Variants in HEATR5A observed in about 807,000 individuals in gnomAD.
HEATR5A encodes the protein HEAT repeat-containing protein 5A.
Under a neutral mutation model 218.8 loss-of-function variants are expected in HEATR5A, and 178 were observed. The ratio of observed to expected loss-of-function variants is 0.81; its 90% CI spans 0.72 to 0.92. The LOEUF (loss-of-function observed/expected upper bound fraction) is 0.92. HEATR5A is among the 40% of genes least tolerant of loss of function. The pLI is 0.00. For synonymous variants in HEATR5A, 864 were observed against 871.6 expected (o/e 0.99, Z 0.15); for missense variants, 2,420 against 2,418.9 (o/e 1.00, Z -0.01).
rs1305391651 is a variant in HEATR5A at position 31,387,150 on chromosome 14, G to A, written c.1159C>T (p.Gln387Ter). 3 of 1,613,862 alleles carry A rather than the reference G, an allele frequency of 1.9e-6. No homozygotes were observed. The highest frequency in any genetic ancestry group is 2.5e-6 in the Non-Finnish European group (3 of 1,179,874). ...AQLAAVKDIC[Q>*]AIWKLKKVMD... is the part of the protein sequence containing the mutation. ...ACTTTCTTTAGCTTCCAGATGGCCTGGCAAATATCCTTTACAGCAGCAAGC... is the reference window on the plus strand; with the variant it reads ...ACTTTCTTTAGCTTCCAGATGGCCTAGCAAATATCCTTTACAGCAGCAAGC... The change falls in exon 8 of 36, where the codon CAG becomes TAG. Residue 387 changes from glutamine to a stop codon, truncating the protein, a stop_gained. Coordinates refer to ENST00000543095, the MANE Select transcript of HEATR5A (RefSeq NM_015473.4). LOFTEE classifies it high-confidence loss of function.
chr14:31,412,674 T>G (rs1393665643), intron 1 of HEATR5A, among the ~76,000 whole-genome samples: 1 of 152,094 alleles, frequency 6.6e-6, no homozygotes, highest in Non-Finnish European at 1.5e-5. Flanking sequence ...GCGGATCACC[T>G]GAGGTCAGGA....
At chr14:31,300,506 C>T (rs1899335709) in intron 33 of HEATR5A, among the ~76,000 whole-genome samples, 1 of 152,022 alleles carries the variant, frequency 6.6e-6, no homozygotes, top group South Asian at 2.1e-4. Flanking sequence ...CGAGAGATCC[C>T]CTTCAAGGGA....
rs553862462 is a variant in HEATR5A at position 31,400,903 on chromosome 14, G to A, written c.127-391C>T. Among the ~76,000 whole-genome samples, 81 of 150,888 alleles carry A rather than the reference G, an allele frequency of 5.4e-4. 1 individual carries two copies. Among genetic ancestry groups the A allele is most frequent in the African/African-American group, 1.9e-3 (80 of 41,052 alleles). ...CGCCCAGGCTGGAGTGCAGTGGCCC[G>A]ATCTCCGGTCACTGCAAGCTCCGCC... On this transcript the variant is annotated intron_variant, in intron 2 of 35. Transcript: ENST00000543095.
chr14:31,348,074 G>C (rs1033228519), intron 18 of HEATR5A, among the ~76,000 whole-genome samples, 167 bp from the exon 19 acceptor site: 7 of 152,112 alleles, frequency 4.6e-5, no homozygotes, highest in African/African-American at 1.7e-4. Context: ...TAACCGAAAG[G>C]CATCTTGCAA....
At position 31,339,013 on chromosome 14, in the gene HEATR5A, G is replaced by A. The variant is rs545658008; in HGVS notation, c.3229-1399C>T. On this transcript the variant is annotated intron_variant, in intron 21 of 35. Coordinates refer to ENST00000543095, the MANE Select transcript of HEATR5A (RefSeq NM_015473.4). The stretch of plus-strand genomic sequence containing the variant: ...CAGGTGTCTGTAATCCCTGCTACTC[G>A]GGAGGCTGAGGCAGGAGAATTGCTT... Among the ~76,000 whole-genome samples the A allele has an allele frequency of 1.6e-4, 24 of 151,872 alleles. No individual in the cohort carries two copies. The South Asian group carries it at 2.5e-3, about 16-fold the overall frequency.
rs755843937 is a variant in HEATR5A at position 31,306,846 on chromosome 14, G to A, written c.4852C>T (p.Arg1618Ter). 1.2e-5 allele frequency: 20 copies of A among 1,612,938 alleles called. No homozygotes were observed. The highest frequency in any genetic ancestry group is 1.1e-4 in the East Asian group (5 of 44,846). ...LGIELLNVLH[R>*]VILTRESPSI... ...GGTGATTCTCTGGTTAAAATTACTC[G>A]ATGTAGAACATTCAGCAATTCTATA... Residue 1618 changes from arginine to a stop codon, truncating the protein, a stop_gained, in exon 31 of 36, where the codon CGA (arginine) becomes TGA (stop). Transcript: ENST00000543095. LOFTEE classifies it high-confidence loss of function.
rs766236705 is a variant in HEATR5A, at chr14:31,347,797, A to G, written c.2819T>C (p.Ile940Thr). 3 of 1,612,152 alleles carry G rather than the reference A, an allele frequency of 1.9e-6. No homozygotes were observed. In the African/African-American group the frequency reaches 4.0e-5, roughly 22 times the overall value. Reference protein sequence around the residue: ...ISSSQHLNSCIGILYTLAQDS... With the variant: ...ISSSQHLNSCTGILYTLAQDS... ...CTGCGCCAAAGTATAAAGGATTCCA[A>G]TACAAGAATTTAGGTGTTGAGAAGA... Residue 940 changes from isoleucine to threonine, a missense_variant, in exon 19 of 36, where the codon ATT (isoleucine) becomes ACT (threonine). Transcript: ENST00000543095.
chr14:31,302,267 T>C (rs1899408961), intron 33 of HEATR5A, 28 bp downstream of exon 33: 1 of 1,489,324 alleles, frequency 6.7e-7, no homozygotes, highest in Non-Finnish European at 9.2e-7. Context: ...TAAGACAAAC[T>C]GAACTGCTTC....
chr14:31,309,774 T>C (rs2139144627), intron 28 of HEATR5A, among the ~76,000 whole-genome samples: 1 of 152,204 alleles, frequency 6.6e-6, no homozygotes, highest in East Asian at 1.9e-4. Context: ...TGATGTCGGC[T>C]CACTGCCAAC....
At chr14:31,321,752 C>T in intron 24 of HEATR5A, 72 bp from the exon 25 acceptor site, 1 of 1,168,848 alleles carries the variant, frequency 8.6e-7, no homozygotes, top group Non-Finnish European at 1.2e-6. Context: ...GGAACTAAGA[C>T]TTACATTAAG....
rs532994952 is a variant in HEATR5A at position 31,396,156 on chromosome 14, A to G, written c.448-808T>C. Among the ~76,000 whole-genome samples the G allele has an allele frequency of 2.6e-5, 4 of 152,262 alleles. No homozygotes were observed. The South Asian group carries it at 8.3e-4, about 32-fold the overall frequency. ...CCGATTGCTTGAGCTCAGGACTTCG[A>G]GACCAGCCTGGGCAACATGGTGAAA... On this transcript the variant is annotated intron_variant, in intron 4 of 35. Coordinates refer to ENST00000543095, the MANE Select transcript of HEATR5A (RefSeq NM_015473.4).
At chr14:31,334,454 A>C (rs1227918156) in intron 22 of HEATR5A, 1 of 456,068 alleles carries the variant, frequency 2.2e-6, no homozygotes, top group African/African-American at 2.0e-5. Context: ...GATGCTGTGA[A>C]CACTGTTGAA....
At chr14:31,394,426 G>C (rs976563415) in intron 5 of HEATR5A, among the ~76,000 whole-genome samples, 200 bp from the exon 6 acceptor site, 1 of 152,042 alleles carries the variant, frequency 6.6e-6, no homozygotes, top group African/African-American at 2.4e-5. Flanking sequence ...CCTACAAAAG[G>C]TGGGAGGAGA....
In HEATR5A at chr14:31,350,760, TTTTGTTTG is replaced by T. The variant is rs10602248; in HGVS notation, c.2412-51_2412-44del. 5.4e-3 allele frequency: 3,578 copies of T among 663,986 alleles called. 19 individuals are homozygous for T. The highest frequency in any genetic ancestry group is 0.021 in the African/African-American group (1,185 of 56,084). 41.1% of individuals were successfully genotyped at this position (663,986 alleles called of 1,614,324 possible). On this transcript the variant is annotated intron_variant, in intron 16 of 35. Coordinates refer to ENST00000543095, the MANE Select transcript of HEATR5A (RefSeq NM_015473.4). ...AGGATTTAAAAGCAAGTAGGTAAGT[TTTTGTTTG>T]TTTGTTTGTTTGTTTGTTTGTTTGT...
rs1444182063 is a variant in HEATR5A at position 31,384,683 on chromosome 14, C to T, written c.1346-912G>A. 2.0e-5 allele frequency among the ~76,000 whole-genome samples: 3 copies of T among 152,088 alleles called. No individual in the cohort carries two copies. In the East Asian group the frequency reaches 5.8e-4, roughly 30 times the overall value. Reference sequence around the variant, plus strand: ...CTAGGATCCCAAGTGCGTGCCACTACACCTGGCTAATTTTTGTATTTTTAG... The same window carrying T: ...CTAGGATCCCAAGTGCGTGCCACTATACCTGGCTAATTTTTGTATTTTTAG... On this transcript the variant is annotated intron_variant, in intron 9 of 35. Coordinates refer to ENST00000543095, the MANE Select transcript of HEATR5A (RefSeq NM_015473.4).
At chr14:31,375,447 T>C (rs1902191377) in intron 11 of HEATR5A, among the ~76,000 whole-genome samples, 4 of 152,326 alleles carry the variant, frequency 2.6e-5, no homozygotes, top group Admixed American at 2.6e-4. Flanking sequence ...AGTTTAGTAG[T>C]GCAGTGGCAT....
chr14:31,318,155 G>A, intron 26 of HEATR5A, 69 bp downstream of exon 26: 2 of 1,328,818 alleles, frequency 1.5e-6, no homozygotes, highest in Non-Finnish European at 2.2e-6. Context: ...AAAAACATTG[G>A]TAAAAAAATA....
intron 6 of HEATR5A, among the ~76,000 whole-genome samples, chr14:31,390,802 GT>G (rs1262411190): frequency 6.6e-6 from 1 of 152,078 alleles, no homozygotes; most frequent in South Asian, 2.1e-4. Context: ...ACTGTTACTG[GT>G]TTATGTATTT....
chr14:31,397,434 G>C (rs1013043264), intron 4 of HEATR5A, among the ~76,000 whole-genome samples: 1 of 151,876 alleles, frequency 6.6e-6, no homozygotes, highest in Admixed American at 6.6e-5. Context: ...GAGGCAGCTG[G>C]ATCATTTGAG....
Sources: allele counts gnomAD v4.1 joint callset (sites outside exome capture counted in the v4.1 genomes callset), GRCh38; gene constraint gnomAD v4.1.1; transcripts MANE v1.5; gene names NCBI Gene and HGNC (gene_info 2026-07-23, HGNC 2026-07-21).